Variants in DOCK3 observed in about 807,000 individuals in gnomAD.
DOCK3 encodes the protein dedicator of cytokinesis 3.
A neutral mutation model predicts 265.6 loss-of-function variants in DOCK3; 60 were observed. The observed-to-expected ratio is 0.23, with a 90% CI of 0.18 to 0.28. The LOEUF (loss-of-function observed/expected upper bound fraction) is 0.28. Among genes scored for constraint, DOCK3 ranks in the 10% least tolerant of loss-of-function variants. The pLI, the probability that DOCK3 is intolerant of heterozygous loss-of-function variation, is 1.00. For synonymous variants in DOCK3, 881 were observed against 938.0 expected, an observed-to-expected ratio of 0.94 and a Z score of 1.11; for missense variants, 1,981 against 2,594.3, an observed-to-expected ratio of 0.76 and a Z score of 5.14.
At chr3:51,211,702 A>G (rs1366222705) in intron 13 of DOCK3, among the ~76,000 whole-genome samples, 5 of 152,084 alleles carry the variant, frequency 3.3e-5, no homozygotes, top group Non-Finnish European at 7.4e-5. Context: ...ATCCTTTTTT[A>G]TGGCTGCATA....
At chr3:51,274,815 A>G (rs537521633) in intron 24 of DOCK3, among the ~76,000 whole-genome samples, 7 of 152,276 alleles carry the variant, frequency 4.6e-5, no homozygotes, top group African/African-American at 1.7e-4. Context: ...GCAGACTCCT[A>G]ACATTCATCC....
chr3:50,884,788 A>G, intron 3 of DOCK3, among the ~76,000 whole-genome samples: 1 of 152,014 alleles, frequency 6.6e-6, no homozygotes, highest in East Asian at 1.9e-4. Context: ...CATTGTGCAG[A>G]AAGTACAGGG....
intron 27 of DOCK3, among the ~76,000 whole-genome samples, chr3:51,305,947 C>G (rs1480224686): frequency 7.1e-6 from 1 of 140,930 alleles, no homozygotes; most frequent in Non-Finnish European, 1.5e-5. Flanking sequence ...TCAAGCGATT[C>G]TCCCACCTCA....
intron 5 of DOCK3, among the ~76,000 whole-genome samples, chr3:50,959,428 T>A (rs2076821611): frequency 6.6e-6 from 1 of 151,854 alleles, no homozygotes; most frequent in Admixed American, 6.6e-5. Flanking sequence ...TGTTATACAT[T>A]AGATCTCTAC....
rs986677830 is a variant in DOCK3, at chr3:51,214,339, G to A, written c.1252+92G>A. 24 of 1,505,824 alleles carry A rather than the reference G, an allele frequency of 1.6e-5. No individual in the cohort carries two copies. The Admixed American group carries it at 4.6e-4, about 29-fold the overall frequency. 93.3% of individuals were successfully genotyped at this position (1,505,824 alleles called of 1,614,324 possible). The stretch of plus-strand genomic sequence containing the variant: ...AGCAGGTGGTGAACTGTGCTATGGA[G>A]AAGACCTGCAGCTATTAAAATCTCC... On this transcript the variant is annotated intron_variant, in intron 14 of 52. Coordinates refer to ENST00000266037, the MANE Select transcript of DOCK3 (RefSeq NM_004947.5).
chr3:51,094,039 GC>G (rs1321096682), intron 9 of DOCK3, among the ~76,000 whole-genome samples: 1 of 152,168 alleles, frequency 6.6e-6, no homozygotes, highest in Non-Finnish European at 1.5e-5. Flanking sequence ...TGGTGGATAA[GC>G]TTTTTGATAT....
chr3:51,233,564 T>C (rs1475709742), intron 19 of DOCK3, among the ~76,000 whole-genome samples: 1 of 152,062 alleles, frequency 6.6e-6, no homozygotes, highest in South Asian at 2.1e-4. Context: ...AGACAAGGTT[T>C]CACCGTGTTA....
At chr3:51,325,293 A>G (rs772801170) in intron 32 of DOCK3, among the ~76,000 whole-genome samples, 6 of 152,242 alleles carry the variant, frequency 3.9e-5, no homozygotes, top group African/African-American at 1.4e-4. Flanking sequence ...TTATGTGGCC[A>G]ACAAACATAT....
At chr3:50,707,122 G>A (rs555178288) in intron 1 of DOCK3, among the ~76,000 whole-genome samples, 1 of 152,220 alleles carries the variant, frequency 6.6e-6, no homozygotes, top group East Asian at 1.9e-4. Context: ...AGCTCCCTGA[G>A]GCCTCACCAG....
intron 27 of DOCK3, among the ~76,000 whole-genome samples, chr3:51,296,723 G>A (rs758941470): frequency 2.0e-5 from 3 of 151,914 alleles, no homozygotes; most frequent in East Asian, 1.9e-4. Flanking sequence ...TGATCCGCCC[G>A]CCTTGGCCTC....
intron 27 of DOCK3, among the ~76,000 whole-genome samples, chr3:51,309,599 G>GAA (rs2082937994): frequency 7.6e-6 from 1 of 132,016 alleles, no homozygotes; most frequent in East Asian, 2.3e-4. Flanking sequence ...GGAGACCGTG[G>GAA]GGAGAGGGAG....
intron 1 of DOCK3, among the ~76,000 whole-genome samples, chr3:50,728,370 T>TA (rs1264585552): frequency 3.3e-5 from 5 of 152,074 alleles, no homozygotes; most frequent in African/African-American, 1.2e-4. Flanking sequence ...AAGAAAAACT[T>TA]AAACAATCTA....
At chr3:51,067,680 A>ACC (rs1560015504) in intron 6 of DOCK3, among the ~76,000 whole-genome samples, 1,597 of 151,660 alleles carry the variant, frequency 0.011, 42 homozygotes, top group African/African-American at 0.036. Flanking sequence ...TCAGTGGAAA[A>ACC]TATAGTCACT....
intron 1 of DOCK3, among the ~76,000 whole-genome samples, chr3:50,692,883 T>G (rs2107750962): frequency 6.6e-6 from 1 of 152,348 alleles, no homozygotes; most frequent in Middle Eastern, 3.4e-3. Flanking sequence ...TGTTTAAGGC[T>G]TTGATCCATT....
intron 3 of DOCK3, among the ~76,000 whole-genome samples, chr3:50,886,847 G>C (rs1265957245): frequency 6.6e-6 from 1 of 152,028 alleles, no homozygotes; most frequent in East Asian, 1.9e-4. Context: ...CAGAATCTCT[G>C]GGATACATTA....
At chr3:50,736,798 G>A (rs2038656376) in intron 1 of DOCK3, among the ~76,000 whole-genome samples, 1 of 148,722 alleles carries the variant, frequency 6.7e-6, no homozygotes, top group African/African-American at 2.5e-5. Context: ...CCAGGTTCAT[G>A]CCATTCTCCT....
At chr3:51,057,278 C>G (rs979736416) in intron 5 of DOCK3, among the ~76,000 whole-genome samples, 2 of 152,128 alleles carry the variant, frequency 1.3e-5, no homozygotes, top group Admixed American at 6.6e-5. Context: ...TTTAATCATT[C>G]TAAATTTATG....
At chr3:51,350,475 TG>T in intron 40 of DOCK3, 83 bp downstream of exon 40, 1 of 1,474,356 alleles carries the variant, frequency 6.8e-7, no homozygotes, top group Non-Finnish European at 9.3e-7. Context: ...TTCCCCTTTT[TG>T]CCTTTTCTAC....
chr3:50,921,369 T>C (rs1039281618), intron 4 of DOCK3, among the ~76,000 whole-genome samples: 2 of 152,206 alleles, frequency 1.3e-5, no homozygotes, highest in Admixed American at 6.5e-5. Context: ...ATGTGTCACG[T>C]AGTTCTTGTG....
Sources: gnomAD v4.1 joint callset for allele counts (sites outside exome capture counted in the v4.1 genomes callset) on GRCh38, gnomAD v4.1.1 for gene constraint, MANE v1.5 for transcripts, NCBI Gene and HGNC (gene_info 2026-07-23, HGNC 2026-07-21) for gene names.